DCDC1: variants seen among roughly 807,000 people sequenced by gnomAD.
DCDC1 encodes doublecortin domain-containing protein 1.
A neutral mutation model predicts 178.3 loss-of-function variants in DCDC1; 200 were observed. That is an observed-to-expected ratio of 1.12 (90% confidence interval 1.00 to 1.26). The LOEUF is 1.26. Among genes scored for constraint, DCDC1 ranks in the 50% most tolerant of loss-of-function variants. The pLI, the probability that DCDC1 is intolerant of heterozygous loss-of-function variation, is 0.00. For missense variants in DCDC1, 1,983 were observed against 1,749.2 expected (o/e 1.13, Z -2.38); for synonymous variants, 690 against 604.8 (o/e 1.14, Z -2.07).
chr11:31,024,883 G>A (rs539106611), intron 20 of DCDC1, among the ~76,000 whole-genome samples: 3 of 151,808 alleles, frequency 2.0e-5, no homozygotes, highest in South Asian at 2.1e-4. Context: ...CCCCATGGTC[G>A]CGGCCTTGTT....
At chr11:31,229,149 T>C (rs139099763) in intron 9 of DCDC1, among the ~76,000 whole-genome samples, 1 of 152,166 alleles carries the variant, frequency 6.6e-6, no homozygotes, top group Non-Finnish European at 1.5e-5. Flanking sequence ...CAGGCCCAGA[T>C]GGTTTTACTA....
chr11:31,187,665 T>C (rs1232586435), intron 9 of DCDC1, among the ~76,000 whole-genome samples: 2 of 152,210 alleles, frequency 1.3e-5, no homozygotes, highest in Non-Finnish European at 2.9e-5. Context: ...ATAAAGCTGA[T>C]GTTTTTTAGC....
intron 21 of DCDC1, among the ~76,000 whole-genome samples, chr11:30,936,140 A>T (rs1947262236): frequency 6.6e-6 from 1 of 152,200 alleles, no homozygotes. Context: ...AGTTTGAGTC[A>T]GAAGTCCTTT....
rs1250416552 is a variant in DCDC1 at position 30,924,626 on chromosome 11, A to G, written c.2997+683T>C. Among the ~76,000 whole-genome samples, 2 of 152,190 alleles carry G rather than the reference A, an allele frequency of 1.3e-5. 1 individual carries two copies. Among genetic ancestry groups the G allele is most frequent in the African/African-American group, 4.8e-5 (2 of 41,438 alleles). ...AAAAAGTGAAATTACCATTTAGTAA[A>G]AAACCATTAAACAACTACATTTTGA... On this transcript the variant is annotated intron_variant, in intron 23 of 38. Transcript: ENST00000684477.
At chr11:31,003,076 A>G (rs1284098492) in intron 20 of DCDC1, among the ~76,000 whole-genome samples, 5 of 149,776 alleles carry the variant, frequency 3.3e-5, no homozygotes, top group African/African-American at 5.0e-5. Flanking sequence ...GGATGGCCAC[A>G]CATATCTTTA....
intron 9 of DCDC1, among the ~76,000 whole-genome samples, chr11:31,145,023 C>T (rs1298790856): frequency 6.6e-6 from 1 of 151,868 alleles, no homozygotes; most frequent in Non-Finnish European, 1.5e-5. Flanking sequence ...TTTAAGTTAC[C>T]AAAAGTGTGT....
At chr11:31,220,224 G>A (rs1449655219) in intron 9 of DCDC1, among the ~76,000 whole-genome samples, 1 of 152,128 alleles carries the variant, frequency 6.6e-6, no homozygotes, top group Non-Finnish European at 1.5e-5. Flanking sequence ...TACAATTCCT[G>A]AAGCATTTAG....
At position 30,954,005 on chromosome 11, in the gene DCDC1, C is replaced by CTTT. The variant is rs5790847; in HGVS notation, c.2592-1440_2592-1438dup. On this transcript the variant is annotated intron_variant, in intron 20 of 38. Coordinates refer to ENST00000684477, the MANE Select transcript of DCDC1 (RefSeq NM_001387274.1). ...GTATATATTAATAAATACAACAATT[C>CTTT]TTTTTTTTTTTTTTTTTTTTTTTTG... Among the ~76,000 whole-genome samples the CTTT allele has an allele frequency of 9.7e-3, 746 of 76,522 alleles. 68 individuals carry two copies. Among genetic ancestry groups the CTTT allele is most frequent in the African/African-American group, 0.035 (644 of 18,418 alleles). 50.2% of individuals were successfully genotyped at this position (76,522 alleles called of 152,430 possible).
intron 11 of DCDC1, among the ~76,000 whole-genome samples, chr11:31,127,004 A>G (rs1411822559): frequency 6.6e-6 from 1 of 152,194 alleles, no homozygotes; most frequent in African/African-American, 2.4e-5. Flanking sequence ...AACATGTGTC[A>G]CACTTATCCA....
chr11:31,114,313 T>G (rs1959522836), intron 11 of DCDC1, among the ~76,000 whole-genome samples: 1 of 152,140 alleles, frequency 6.6e-6, no homozygotes, highest in East Asian at 1.9e-4. Context: ...TAAAATACAT[T>G]ACATTTGCAA....
chr11:30,881,890 C>T (rs1377734815), intron 36 of DCDC1, among the ~76,000 whole-genome samples: 1 of 152,176 alleles, frequency 6.6e-6, no homozygotes, highest in Non-Finnish European at 1.5e-5. Flanking sequence ...TACTTACTCA[C>T]AAAATCACAT....
At position 30,903,787 on chromosome 11, in the gene DCDC1, A is replaced by C. The variant is rs1944876479; in HGVS notation, c.4309-104T>G. 3 of 1,019,576 alleles carry C rather than the reference A, an allele frequency of 2.9e-6. No homozygotes were observed. The African/African-American group carries it at 4.9e-5, about 17-fold the overall frequency. 63.2% of individuals were successfully genotyped at this position (1,019,576 alleles called of 1,614,324 possible). On this transcript the variant is annotated intron_variant, in intron 31 of 38. Coordinates refer to ENST00000684477, the MANE Select transcript of DCDC1 (RefSeq NM_001387274.1). ...AAAATCTGAAAAAAAAAATAATTGA[A>C]TTTGAGAAAATAGAAAGCTGAATTA...
At position 30,952,569 on chromosome 11, in the gene DCDC1, C is replaced by G. The variant is rs374110234; in HGVS notation, c.2592-1G>C. On this transcript the variant is annotated splice_acceptor_variant, in intron 20 of 38. Coordinates refer to ENST00000684477, the MANE Select transcript of DCDC1 (RefSeq NM_001387274.1). LOFTEE classifies it high-confidence loss of function. ...GGTTCCTTCATGTTTTATGGCCCAC[C>G]TAAAACAAAAGATAAAAAACAAAAA... 30 of 1,252,202 alleles carry G rather than the reference C, an allele frequency of 2.4e-5. No homozygotes were observed. The highest frequency in any genetic ancestry group is 3.0e-5 in the Non-Finnish European group (27 of 891,660). The allele number at this position is 1,252,202 out of a possible 1,614,324, so 77.6% of individuals were successfully genotyped here. A position where few individuals can be genotyped will look rare whatever the true frequency, so the allele number is the denominator to read the frequency against.
In DCDC1 at chr11:30,894,335, G is replaced by A. The variant is rs897394605; in HGVS notation, c.4815C>T (p.Ser1605=). The A allele has an allele frequency of 1.7e-5, 27 of 1,613,750 alleles. No homozygotes were observed. The highest frequency in any genetic ancestry group is 3.3e-4 in the Middle Eastern group (2 of 6,078). Residue 1605 remains serine (S), a synonymous_variant, in exon 35 of 39, where the codon AGC becomes AGT. Coordinates refer to ENST00000684477, the MANE Select transcript of DCDC1 (RefSeq NM_001387274.1). ...CTTCAACCACCACGGGCTGCACAGG[G>A]CTCTTGGTAGGAACCATGGTGGCTG... The part of the protein sequence containing the change: ...CQPATMVPTK[S]PVQPVVVEGG...
chr11:31,353,331 C>T (rs1332654959), intron 1 of DCDC1, among the ~76,000 whole-genome samples: 2 of 152,208 alleles, frequency 1.3e-5, no homozygotes, highest in Non-Finnish European at 2.9e-5. Flanking sequence ...GCCTGCCATA[C>T]ATAGGACATT....
chr11:31,304,062 G>T (rs1269266503), intron 6 of DCDC1, among the ~76,000 whole-genome samples: 1 of 151,616 alleles, frequency 6.6e-6, no homozygotes, highest in East Asian at 2.0e-4. Context: ...GAAGTTTTTT[G>T]TTCTGGACTT....
intron 20 of DCDC1, among the ~76,000 whole-genome samples, chr11:31,036,511 C>A (rs1469520202): frequency 1.3e-5 from 2 of 152,164 alleles, no homozygotes; most frequent in African/African-American, 4.8e-5. Context: ...CTCTACCTGT[C>A]TCCTGCTCTA....
intron 32 of DCDC1, among the ~76,000 whole-genome samples, chr11:30,901,366 C>T (rs777409747): frequency 2.9e-4 from 44 of 152,100 alleles, no homozygotes; most frequent in South Asian, 6.2e-4. Context: ...TATTATCAGT[C>T]CTCTTTTACA....
chr11:31,307,523 C>G (rs1948532698), intron 4 of DCDC1, 116 bp downstream of exon 4: 1 of 1,384,974 alleles, frequency 7.2e-7, no homozygotes, highest in Admixed American at 2.3e-5. Flanking sequence ...AAAACAAAAC[C>G]CGAGAGATGT....
Sources: allele counts gnomAD v4.1 joint callset (sites outside exome capture counted in the v4.1 genomes callset), GRCh38; gene constraint gnomAD v4.1.1; transcripts MANE v1.5; gene names NCBI Gene and HGNC (gene_info 2026-07-23, HGNC 2026-07-21).